C2orf80: variants seen among roughly 807,000 people sequenced by gnomAD.
C2orf80 encodes uncharacterized protein C2orf80.
C2orf80 carries 28 observed loss-of-function variants against 30.2 expected under a neutral mutation model. That is an observed-to-expected ratio of 0.93 (90% CI 0.69 to 1.27). C2orf80 has a LOEUF of 1.27. Among genes scored for constraint, C2orf80 ranks in the 50% most tolerant of loss-of-function variants. The probability of loss-of-function intolerance (pLI) is 0.00; values close to 1 mark genes in which losing one functional copy is unlikely to be tolerated. For missense variants in C2orf80, 220 were observed against 231.0 expected (o/e 0.95, Z 0.31); for synonymous variants, 80 against 76.4 (o/e 1.05, Z -0.24).
At chr2:208,182,870 T>G (rs1196227025) in intron 4 of C2orf80, 95 bp downstream of exon 4, 1 of 982,100 alleles carries the variant, frequency 1.0e-6, no homozygotes, top group African/African-American at 1.6e-5. Flanking sequence ...CAAATCAAAG[T>G]GCCTCATGAT....
intron 1 of C2orf80, among the ~76,000 whole-genome samples, chr2:208,189,321 A>C (rs1456187858): frequency 6.6e-6 from 1 of 151,998 alleles, no homozygotes; most frequent in African/African-American, 2.4e-5. Flanking sequence ...ATCATCCCTC[A>C]TCCTCCCCAT....
Position 208,176,931 on chromosome 2 carries a change from GTATA to G in C2orf80, c.366+3810_366+3813del, listed in dbSNP as rs1696336715. Among the ~76,000 whole-genome samples the G allele has an allele frequency of 6.0e-5, 5 of 83,726 alleles. 1 individual carries two copies. Among genetic ancestry groups the G allele is most frequent in the African/African-American group, 2.3e-4 (5 of 21,558 alleles). The allele number at this position is 83,726 out of a possible 152,430, so 54.9% of individuals were successfully genotyped here. Reference sequence around the variant, plus strand: ...TGTGTATACATATCTGTATACATATGTATACATATCTGTATACATATCTGTATAC... The same window carrying G: ...TGTGTATACATATCTGTATACATATGCATATCTGTATACATATCTGTATAC... On this transcript the variant is annotated intron_variant, in intron 6 of 8. Coordinates refer to ENST00000341287, the MANE Select transcript of C2orf80 (RefSeq NM_001099334.3).
At chr2:208,178,174 C>T (rs1696428172) in intron 6 of C2orf80, among the ~76,000 whole-genome samples, 1 of 152,108 alleles carries the variant, frequency 6.6e-6, no homozygotes, top group African/African-American at 2.4e-5. Flanking sequence ...CCCATGTTTG[C>T]AAACCTTCTT....
intron 8 of C2orf80, among the ~76,000 whole-genome samples, chr2:208,170,357 C>A (rs538005282): frequency 6.6e-6 from 1 of 152,290 alleles, no homozygotes; most frequent in Non-Finnish European, 1.5e-5. Flanking sequence ...GAACAAAGAG[C>A]CCTCCTCCCT....
At chr2:208,178,566 G>C (rs542477802) in intron 6 of C2orf80, among the ~76,000 whole-genome samples, 1 of 152,220 alleles carries the variant, frequency 6.6e-6, no homozygotes, top group East Asian at 1.9e-4. Context: ...CAGGCCTGGG[G>C]TGGCTTATAT....
chr2:208,176,950 T>TATGCATACAG, intron 6 of C2orf80, among the ~76,000 whole-genome samples: 2 of 32,890 alleles, frequency 6.1e-5, no homozygotes, highest in African/African-American at 2.0e-4. Flanking sequence ...TCTGTATACA[T>TATGCATACAG]ATCTGTATAC....
intron 3 of C2orf80, among the ~76,000 whole-genome samples, chr2:208,184,015 A>G (rs7583625): frequency 0.27 from 41,125 of 152,176 alleles, 6,024 homozygotes; most frequent in African/African-American, 0.38. Flanking sequence ...AAACGGTGGA[A>G]TTATTTCTTC....
At position 208,170,929 on chromosome 2, in the gene C2orf80, A is replaced by G. The variant is rs140148953; in HGVS notation, c.573+16T>C. The G allele has an allele frequency of 3.1e-6, 5 of 1,600,542 alleles. No individual in the cohort carries two copies. In the East Asian group the frequency reaches 1.1e-4, roughly 36 times the overall value. Reference sequence around the variant, plus strand: ...AGCTGGTATCAGTTTGGTCCAATTTACAATCTCACACCTACTTTGTGCTTT... The same window carrying G: ...AGCTGGTATCAGTTTGGTCCAATTTGCAATCTCACACCTACTTTGTGCTTT... On this transcript the variant is annotated intron_variant, in intron 8 of 8. Coordinates refer to ENST00000341287, the MANE Select transcript of C2orf80 (RefSeq NM_001099334.3).
At chr2:208,182,895 C>T in intron 4 of C2orf80, 70 bp downstream of exon 4, 1 of 1,240,204 alleles carries the variant, frequency 8.1e-7, no homozygotes, top group Non-Finnish European at 1.2e-6. Context: ...GATGTTAGGG[C>T]TGGAACTTCC....
At chr2:208,168,534 G>C (rs1049160524) in intron 8 of C2orf80, 1 of 167,918 alleles carries the variant, frequency 6.0e-6, no homozygotes, top group Non-Finnish European at 1.3e-5. Context: ...GGTGGCGGGC[G>C]CCTGTAGTCC....
At chr2:208,178,737 G>A (rs1262363029) in intron 6 of C2orf80, among the ~76,000 whole-genome samples, 1 of 152,042 alleles carries the variant, frequency 6.6e-6, no homozygotes, top group South Asian at 2.1e-4. Context: ...AACATAGGGA[G>A]ACCCCCATCC....
intron 6 of C2orf80, among the ~76,000 whole-genome samples, chr2:208,177,049 A>G (rs1201562378): frequency 2.0e-3 from 260 of 130,586 alleles, no homozygotes; most frequent in African/African-American, 6.9e-3. Context: ...CATATATACT[A>G]TATACATATG....
At chr2:208,169,529 A>G (rs1346348336) in intron 8 of C2orf80, among the ~76,000 whole-genome samples, 1 of 151,966 alleles carries the variant, frequency 6.6e-6, no homozygotes, top group African/African-American at 2.4e-5. Context: ...CCTGGACAAC[A>G]TGGTGAAACC....
intron 8 of C2orf80, 112 bp from the exon 9 acceptor site, chr2:208,165,927 C>A: frequency 1.5e-6 from 1 of 646,166 alleles, no homozygotes; most frequent in Non-Finnish European, 2.7e-6. Flanking sequence ...AACTTACTGA[C>A]AAAGATAGAT....
Position 208,165,728 on chromosome 2 carries a change from G to A in C2orf80, c.*79C>T. On this transcript the variant is annotated 3_prime_UTR_variant, in exon 9 of 9. Transcript: ENST00000341287. ...GTTGTAAAGAAAAATGTACTGGCAA[G>A]AGCTGTGGTTTTAAGATGATGCTTC... 1 of 1,603,738 alleles carries A rather than the reference G, an allele frequency of 6.2e-7. No individual in the cohort carries two copies. The highest frequency in any genetic ancestry group is 1.1e-5 in the South Asian group (1 of 89,410).
At position 208,189,936 on chromosome 2, in the gene C2orf80, C is replaced by G; in HGVS notation, c.-76+17G>C. ...AAGTGCCTGCTCTTAACAAATTCCC[C>G]TTTGAGAATCGCTCACCAACCGGAG... On this transcript the variant is annotated intron_variant, in intron 1 of 8. Transcript: ENST00000341287. 1 of 702,954 alleles carries G rather than the reference C, an allele frequency of 1.4e-6. No homozygotes were observed. The highest frequency in any genetic ancestry group is 2.6e-6 in the Non-Finnish European group (1 of 384,976). The allele number at this position is 702,954 out of a possible 1,614,324, so 43.5% of individuals were successfully genotyped here.
In C2orf80 at chr2:208,171,983, C is replaced by T. The variant is rs1255941127; in HGVS notation, c.454+5G>A. ...CTCTAAGCAGGTGAAAGTAACCAGG[C>T]TTACTCTGTTTGCGGGCGTATGCTG... On this transcript the variant is annotated splice_donor_5th_base_variant and intron_variant, in intron 7 of 8. Coordinates refer to ENST00000341287, the MANE Select transcript of C2orf80 (RefSeq NM_001099334.3). 4 of 1,611,496 alleles carry T rather than the reference C, an allele frequency of 2.5e-6. No homozygotes were observed. The highest frequency in any genetic ancestry group is 3.4e-6 in the Non-Finnish European group (4 of 1,177,736).
chr2:208,184,298 C>G (rs1217561899), intron 3 of C2orf80, among the ~76,000 whole-genome samples: 1 of 152,046 alleles, frequency 6.6e-6, no homozygotes, highest in Non-Finnish European at 1.5e-5. Context: ...TATGTGTACA[C>G]AGAGAATAAG....
At chr2:208,176,430 C>T (rs982557033) in intron 6 of C2orf80, among the ~76,000 whole-genome samples, 2 of 152,238 alleles carry the variant, frequency 1.3e-5, no homozygotes, top group Non-Finnish European at 2.9e-5. Flanking sequence ...CCCGCCTCGG[C>T]CTCCCAAAGT....
Sources: gnomAD v4.1 joint callset for allele counts (sites outside exome capture counted in the v4.1 genomes callset) on GRCh38, gnomAD v4.1.1 for gene constraint, MANE v1.5 for transcripts, NCBI Gene and HGNC (gene_info 2026-07-23, HGNC 2026-07-21) for gene names.